Variants in CEBPZ observed in about 807,000 individuals in gnomAD.
CEBPZ encodes the protein CCAAT/enhancer-binding protein zeta.
Under a neutral mutation model 104.5 loss-of-function variants are expected in CEBPZ, and 78 were observed. That is an observed-to-expected ratio of 0.75 (90% CI 0.62 to 0.90). The LOEUF (loss-of-function observed/expected upper bound fraction) is 0.90, where lower values mean the gene tolerates loss of function less well. Among genes scored for constraint, CEBPZ ranks in the 40% least tolerant of loss-of-function variants. CEBPZ has a pLI of 0.00. For missense variants in CEBPZ, 1,439 were observed against 1,233.5 expected, an observed-to-expected ratio of 1.17 and a Z score of -2.50; for synonymous variants, 470 against 427.0, an observed-to-expected ratio of 1.10 and a Z score of -1.24.
intron 1 of CEBPZ, among the ~76,000 whole-genome samples, chr2:37,230,067 G>C (rs1394745003): frequency 6.6e-6 from 1 of 152,088 alleles, no homozygotes; most frequent in African/African-American, 2.4e-5. Context: ...ATTAACTGTA[G>C]TATTATTTAA....
intron 2 of CEBPZ, among the ~76,000 whole-genome samples, chr2:37,224,747 T>C (rs1024457918): frequency 2.0e-5 from 3 of 152,238 alleles, no homozygotes; most frequent in African/African-American, 7.2e-5. Flanking sequence ...TCATGTCATT[T>C]CTTTTATCCC....
chr2:37,205,001 G>GAA (rs1572491381), intron 13 of CEBPZ, among the ~76,000 whole-genome samples: 2 of 152,156 alleles, frequency 1.3e-5, no homozygotes, highest in East Asian at 3.8e-4. Flanking sequence ...ATGCTTTTGA[G>GAA]AAAAACTGCC....
In CEBPZ at chr2:37,222,641, CAG is replaced by C. The variant is rs1166275286; in HGVS notation, c.1882-80_1882-79del. On this transcript the variant is annotated intron_variant, in intron 3 of 15. Coordinates refer to ENST00000234170, the MANE Select transcript of CEBPZ (RefSeq NM_005760.3). ...AAAGTCTGTGCTCCATTATGTGATG[CAG>C]AGTTTTACTTATTGCAACTCTGGTG... 22 of 1,017,874 alleles carry C rather than the reference CAG, an allele frequency of 2.2e-5. No individual in the cohort carries two copies. The Admixed American group carries it at 4.4e-4, about 20-fold the overall frequency. The allele number at this position is 1,017,874 out of a possible 1,614,324, so 63.1% of individuals were successfully genotyped here. A position where few individuals can be genotyped will look rare whatever the true frequency, so the allele number is the denominator to read the frequency against.
chr2:37,228,521 C>T lies in CEBPZ; in HGVS notation c.672G>A (p.Thr224=), dbSNP rs746741037. The part of the protein sequence containing the change: ...QHEINLFKSK[T]NSQKGASSTW... ...TAGAAGAGGCTCCCTTTTGACTATT[C>T]GTCTTACTTTTGAATAAGTTGATTT... is the stretch of plus-strand genomic sequence containing the variant. Residue 224 remains threonine (T), a synonymous_variant, in exon 2 of 16, where the codon ACG becomes ACA. Transcript: ENST00000234170. 1.2e-5 allele frequency: 19 copies of T among 1,614,156 alleles called. No homozygotes were observed. Among genetic ancestry groups the T allele is most frequent in the South Asian group, 4.4e-5 (4 of 91,076 alleles).
rs774060396 is a variant in CEBPZ at position 37,223,264 on chromosome 2, T to C, written c.1787A>G (p.Gln596Arg). 1.9e-6 allele frequency: 3 copies of C among 1,614,056 alleles called. No homozygotes were observed. Among genetic ancestry groups the C allele is most frequent in the African/African-American group, 2.7e-5 (2 of 74,914 alleles). ...FVKRLLQVTC[Q>R]QMPPFICGAL... is the part of the protein sequence containing the mutation. ...TCCACATATAAATGGTGGCATCTGT[T>C]GACAAGTAACTTGAAGTAACCTCTT... The change falls in exon 3 of 16, where the codon CAA becomes CGA. Residue 596 changes from glutamine (Q) to arginine (R), a missense_variant. By Grantham distance (43) the Gln-to-Arg change is conservative. Transcript: ENST00000234170.
In CEBPZ at chr2:37,229,485, G is replaced by T. The variant is rs1317772163; in HGVS notation, c.157-449C>A. Among the ~76,000 whole-genome samples, 4 of 152,134 alleles carry T rather than the reference G, an allele frequency of 2.6e-5. No individual in the cohort carries two copies. In the East Asian group the frequency reaches 5.8e-4, roughly 22 times the overall value. On this transcript the variant is annotated intron_variant, in intron 1 of 15. Coordinates refer to ENST00000234170, the MANE Select transcript of CEBPZ (RefSeq NM_005760.3). ...GACAAATCCACATTAAAACCACAATGATACATCCATCTTTTAATTTATCAG... is the reference window on the plus strand; with the variant it reads ...GACAAATCCACATTAAAACCACAATTATACATCCATCTTTTAATTTATCAG...
rs749471282 is a variant in CEBPZ at position 37,228,452 on chromosome 2, C to T, written c.741G>A (p.Arg247=). Residue 247 remains arginine (R), a synonymous_variant, in exon 2 of 16, where the codon AGG becomes AGA. Coordinates refer to ENST00000234170, the MANE Select transcript of CEBPZ (RefSeq NM_005760.3). Reference sequence around the variant, plus strand: ...GAATAAGAAGAATCATGGCTGCCATCCTGTCACCTAGTGTCCCCGATGACA... The same window carrying T: ...GAATAAGAAGAATCATGGCTGCCATTCTGTCACCTAGTGTCCCCGATGACA... ...AIVSSGTLGD[R]MAAMILLIQD... 30 of 1,614,180 alleles carry T rather than the reference C, an allele frequency of 1.9e-5. No homozygotes were observed. The Middle Eastern group carries it at 9.9e-4, about 53-fold the overall frequency.
At position 37,216,991 on chromosome 2, in the gene CEBPZ, A is replaced by G; in HGVS notation, c.2201T>C (p.Ile734Thr). ...GATTTATTTTAGACTCACCTGAAGG[A>G]TGGTCTTTGCAAAAAGGGCCACGGA... ...HPSVALFAKT[I>T]LQGNYIQYSG... The change falls in exon 6 of 16, where the codon ATC becomes ACC. Residue 734 changes from isoleucine (I) to threonine (T), a missense_variant. Ile to Thr is a moderately conservative substitution (Grantham distance 89, BLOSUM62 -1). Coordinates refer to ENST00000234170, the MANE Select transcript of CEBPZ (RefSeq NM_005760.3). 1 of 1,611,978 alleles carries G rather than the reference A, an allele frequency of 6.2e-7. No homozygotes were observed. Among genetic ancestry groups the G allele is most frequent in the Non-Finnish European group, 8.5e-7 (1 of 1,178,178 alleles).
Position 37,214,899 on chromosome 2 carries a change from C to G in CEBPZ, c.2434G>C (p.Val812Leu), listed in dbSNP as rs1677831635. ...KEESQIPVDE[V>L]FFHRYYKKVA... ...TATGTATAGTACCTGTGGAAAAACA[C>G]TTCATCCACTGGTATTTGGCTTTCT... The change falls in exon 9 of 16, where the codon GTG becomes CTG. Residue 812 changes from valine (V) to leucine (L), a missense_variant. Physicochemically the swap from Val to Leu is conservative, Grantham distance 32. Transcript: ENST00000234170. 1 of 1,607,780 alleles carries G rather than the reference C, an allele frequency of 6.2e-7. No individual in the cohort carries two copies. The highest frequency in any genetic ancestry group is 1.1e-5 in the South Asian group (1 of 90,906).
chr2:37,212,782 G>A (rs1015705330), intron 10 of CEBPZ: 1 of 163,316 alleles, frequency 6.1e-6, no homozygotes, highest in Non-Finnish European at 1.3e-5. Context: ...ACTTTGGGAG[G>A]CCGAGGTGGA....
chr2:37,211,683 C>A, intron 12 of CEBPZ, 160 bp downstream of exon 12: 1 of 568,000 alleles, frequency 1.8e-6, no homozygotes. Context: ...AAAAACCCTT[C>A]AGCTCCAAAC....
intron 4 of CEBPZ, 107 bp downstream of exon 4, chr2:37,222,273 G>C (rs1173520395): frequency 1.0e-6 from 1 of 982,012 alleles, no homozygotes; most frequent in East Asian, 2.8e-5. Context: ...AACAGAGTGA[G>C]ACTCTGTCTA....
At chr2:37,209,092 G>A (rs772739841) in intron 13 of CEBPZ, 12 of 151,452 alleles carry the variant, frequency 7.9e-5, no homozygotes, top group Non-Finnish European at 2.9e-5. Context: ...CCTAATCAAG[G>A]AGGTGAAAGA....
chr2:37,231,451 C>T lies in CEBPZ; in HGVS notation c.117G>A (p.Gly39=). ...DEDNTSEAEN[G]FSLEEVLRLG... is the part of the protein sequence containing the mutation. ...GCCGTAACACTTCCTCCAGGGAGAACCCATTCTCGGCTTCACTAGTATTAT... is the reference window on the plus strand; with the variant it reads ...GCCGTAACACTTCCTCCAGGGAGAATCCATTCTCGGCTTCACTAGTATTAT... Residue 39 remains glycine (G), a synonymous_variant, in exon 1 of 16, where the codon GGG becomes GGA. Transcript: ENST00000234170. 4 of 1,614,234 alleles carry T rather than the reference C, an allele frequency of 2.5e-6. No individual in the cohort carries two copies. The highest frequency in any genetic ancestry group is 1.3e-5 in the African/African-American group (1 of 75,072).
chr2:37,207,384 G>A (rs989182780), intron 13 of CEBPZ, among the ~76,000 whole-genome samples: 3 of 152,124 alleles, frequency 2.0e-5, no homozygotes, highest in African/African-American at 7.2e-5. Context: ...CATTCTCAAG[G>A]ATAGACCATA....
chr2:37,203,352 C>T (rs892740826), intron 13 of CEBPZ: 2 of 162,514 alleles, frequency 1.2e-5, no homozygotes, highest in African/African-American at 4.8e-5. Context: ...ATACTTAAGA[C>T]ACAACATAAA....
At chr2:37,211,472 C>T (rs1405266484) in intron 12 of CEBPZ, 1 of 230,902 alleles carries the variant, frequency 4.3e-6, no homozygotes, top group Admixed American at 5.2e-5. Context: ...GTGTTCCTTG[C>T]TAATTTACAA....
intron 1 of CEBPZ, among the ~76,000 whole-genome samples, chr2:37,231,049 CTA>C (rs1665068692): frequency 6.6e-6 from 1 of 152,162 alleles, no homozygotes; most frequent in African/African-American, 2.4e-5. Flanking sequence ...TGCATGTACT[CTA>C]TGAGAACAGA....
chr2:37,212,310 G>A (rs1677747131), intron 11 of CEBPZ, 25 bp downstream of exon 11: 1 of 1,599,408 alleles, frequency 6.3e-7, no homozygotes, highest in Non-Finnish European at 8.6e-7. Flanking sequence ...AGAAAAATAG[G>A]AAGGAGAAGA....
Sources: allele counts gnomAD v4.1 joint callset (sites outside exome capture counted in the v4.1 genomes callset), GRCh38; gene constraint gnomAD v4.1.1; transcripts MANE v1.5; gene names NCBI Gene and HGNC (gene_info 2026-07-23, HGNC 2026-07-21).